Variants in NOVA2 observed in about 807,000 individuals in gnomAD.
NOVA2 encodes the protein NOVA alternative splicing regulator 2, also known as RNA-binding protein Nova-2.
A neutral mutation model predicts 22.5 loss-of-function variants in NOVA2; 9 were observed. The ratio of observed to expected loss-of-function variants is 0.40; its 90% CI spans 0.24 to 0.70. The LOEUF (loss-of-function observed/expected upper bound fraction) is 0.70, where lower values mean the gene tolerates loss of function less well. NOVA2 is among the 30% of genes least tolerant of loss of function. The pLI is 0.38. For synonymous variants in NOVA2, 318 were observed against 335.2 expected, an observed-to-expected ratio of 0.95 and a Z score of 0.56; for missense variants, 383 against 682.8, an observed-to-expected ratio of 0.56 and a Z score of 4.89.
intron 3 of NOVA2, among the ~76,000 whole-genome samples, chr19:45,948,619 AAAAAG>A (rs934146738): frequency 1.3e-5 from 2 of 151,796 alleles, no homozygotes; most frequent in African/African-American, 2.4e-5. Context: ...AAAAAAAAGA[AAAAAG>A]AAAAGAAAAG....
chr19:45,950,139 AC>A, intron 3 of NOVA2, among the ~76,000 whole-genome samples: 1 of 142,966 alleles, frequency 7.0e-6, no homozygotes, highest in East Asian at 2.0e-4. Flanking sequence ...AACCACACCT[AC>A]CCTATATTAT....
chr19:45,939,795 G>T lies in NOVA2; in HGVS notation c.*68C>A, dbSNP rs1000348891. The T allele has an allele frequency of 6.7e-5, 106 of 1,584,218 alleles. No homozygotes were observed. Among genetic ancestry groups the T allele is most frequent in the Middle Eastern group, 1.7e-4 (1 of 5,896 alleles). On this transcript the variant is annotated 3_prime_UTR_variant, in exon 4 of 4. Transcript: ENST00000263257. ...ACACCAAGCTGAGGTCAGGAGTTGGGGGGGAGGAGGAGAGGGAAGAGGAGG... is the reference window on the plus strand; with the variant it reads ...ACACCAAGCTGAGGTCAGGAGTTGGTGGGGAGGAGGAGAGGGAAGAGGAGG...
chr19:45,939,790 GT>G lies in NOVA2; in HGVS notation c.*72del, dbSNP rs1967716055. ...GGACTACACCAAGCTGAGGTCAGGA[GT>G]TGGGGGGGAGGAGGAGAGGGAAGAG... On this transcript the variant is annotated 3_prime_UTR_variant, in exon 4 of 4. Transcript: ENST00000263257. 6.3e-7 allele frequency: 1 copy of G among 1,579,508 alleles called. No homozygotes were observed. Among genetic ancestry groups the G allele is most frequent in the Non-Finnish European group, 8.6e-7 (1 of 1,159,270 alleles).
At chr19:45,973,204 A>C in intron 1 of NOVA2, 63 bp downstream of exon 1, 5 of 829,082 alleles carry the variant, frequency 6.0e-6, no homozygotes, top group Non-Finnish European at 5.1e-6. Context: ...GAGGGGGGGA[A>C]AGGATGGAGA....
Position 45,953,924 on chromosome 19 carries a change from T to G in NOVA2, c.252A>C (p.Leu84=). 6.2e-7 allele frequency: 1 copy of G among 1,614,148 alleles called. No individual in the cohort carries two copies. The highest frequency in any genetic ancestry group is 2.2e-5 in the East Asian group (1 of 44,876). ...TCAAGGCCTCTGCCGTGCCCTGTAC[T>G]AGGCATACCCGCTCTGTGGTTCCTG... The part of the protein sequence containing the change: ...FYPGTTERVC[L]VQGTAEALNA... Residue 84 remains leucine (L), a synonymous_variant, in exon 3 of 4, where the codon CTA becomes CTC. Transcript: ENST00000263257.
intron 2 of NOVA2, among the ~76,000 whole-genome samples, chr19:45,954,519 G>A (rs1967974548): frequency 1.3e-5 from 2 of 152,052 alleles, no homozygotes; most frequent in Admixed American, 6.5e-5. Context: ...CTGGGGGATG[G>A]GGGAGGCAGA....
Position 45,940,643 on chromosome 19 carries a change from G to A in NOVA2, c.699C>T (p.Ser233=). Reference sequence around the variant, plus strand: ...CCGCGGCTGGCAGCACATCCGCGGGGCTGGCGTACGGAGAGCCGGTGGGGT... The same window carrying A: ...CCGCGGCTGGCAGCACATCCGCGGGACTGGCGTACGGAGAGCCGGTGGGGT... ...NSNPTGSPYA[S]PADVLPAAAA... The change falls in exon 4 of 4, where the codon AGC becomes AGT. Residue 233 remains serine (S), a synonymous_variant. Transcript: ENST00000263257. The A allele has an allele frequency of 6.5e-7, 1 of 1,531,070 alleles. No individual in the cohort carries two copies. The allele number at this position is 1,531,070 out of a possible 1,614,324, so 94.8% of individuals were successfully genotyped here.
intron 1 of NOVA2, among the ~76,000 whole-genome samples, chr19:45,971,468 C>A (rs2146430892): frequency 6.6e-6 from 1 of 152,122 alleles, no homozygotes; most frequent in East Asian, 1.9e-4. Context: ...GGAAGAAGGA[C>A]AGGAAACTCC....
chr19:45,940,978 T>C, intron 3 of NOVA2, 33 bp from the exon 4 acceptor site: 1 of 1,535,604 alleles, frequency 6.5e-7, no homozygotes, highest in Non-Finnish European at 8.7e-7. Context: ...GGTCTTTAAT[T>C]TTATTTTTTT....
intron 3 of NOVA2, among the ~76,000 whole-genome samples, chr19:45,948,371 G>A (rs1274617949): frequency 6.6e-6 from 1 of 152,134 alleles, no homozygotes; most frequent in Non-Finnish European, 1.5e-5. Context: ...AGGCCAAGGT[G>A]GGCGGATCAC....
Position 45,940,677 on chromosome 19 carries a change from G to A in NOVA2, c.665C>T (p.Ala222Val). ...CGGAGAGCCGGTGGGGTTGGAGTTG[G>A]CCACGGGGCCTGCCACGTTGGCGTA... ...ISYANVAGPV[A>V]NSNPTGSPYA... Residue 222 changes from alanine to valine, a missense_variant, in exon 4 of 4, where the codon GCC becomes GTC. Around this residue, in one of 2 missense-constraint regions of NOVA2, gnomAD observed 349 missense variants for 578.1 expected, o/e 0.60. Coordinates refer to ENST00000263257, the MANE Select transcript of NOVA2 (RefSeq NM_002516.4). 1 of 1,598,320 alleles carries A rather than the reference G, an allele frequency of 6.3e-7. No individual in the cohort carries two copies. Among genetic ancestry groups the A allele is most frequent in the Non-Finnish European group, 8.5e-7 (1 of 1,173,802 alleles).
Position 45,939,980 on chromosome 19 carries a change from G to A in NOVA2, c.1362C>T (p.Asn454=), listed in dbSNP as rs1393186703. Residue 454 remains asparagine (N), a synonymous_variant, in exon 4 of 4, where the codon AAC becomes AAT. Transcript: ENST00000263257. ...KKGEFLPGTR[N]RRVTITGSPA... ...GGCTGCCCGTGATGGTGACCCGCCG[G>A]TTCCGCGTGCCTGGCAGGAACTCGC... is the stretch of plus-strand genomic sequence containing the variant. The A allele has an allele frequency of 1.2e-6, 2 of 1,614,020 alleles. No homozygotes were observed. Among genetic ancestry groups the A allele is most frequent in the Non-Finnish European group, 1.7e-6 (2 of 1,180,002 alleles).
At chr19:45,955,038 C>T (rs138705898) in intron 2 of NOVA2, among the ~76,000 whole-genome samples, 88 of 152,088 alleles carry the variant, frequency 5.8e-4, no homozygotes, top group Admixed American at 1.8e-3. Context: ...ACTTTGGTGT[C>T]GCTTTGATGA....
At chr19:45,955,002 C>T (rs1401545355) in intron 2 of NOVA2, among the ~76,000 whole-genome samples, 3 of 151,960 alleles carry the variant, frequency 2.0e-5, no homozygotes, top group South Asian at 2.1e-4. Flanking sequence ...TGAAGATGTT[C>T]GTGCGTGCCC....
chr19:45,947,421 T>G (rs547002305), intron 3 of NOVA2, among the ~76,000 whole-genome samples: 18 of 152,098 alleles, frequency 1.2e-4, no homozygotes, highest in African/African-American at 4.3e-4. Flanking sequence ...CTGATGGACA[T>G]TTTCCAGATG....
chr19:45,942,226 A>G (rs1186381415), intron 3 of NOVA2, among the ~76,000 whole-genome samples: 4 of 152,142 alleles, frequency 2.6e-5, no homozygotes, highest in Admixed American at 6.5e-5. Context: ...GAATTTGACT[A>G]TATTTGGAGA....
chr19:45,963,828 G>A (rs943414489), intron 1 of NOVA2, among the ~76,000 whole-genome samples: 1 of 151,902 alleles, frequency 6.6e-6, no homozygotes, highest in Non-Finnish European at 1.5e-5. Flanking sequence ...CCGCGCCCGG[G>A]CCCCCTCAGT....
rs1471472555 is a variant in NOVA2, at chr19:45,936,526, C to A, written c.*3337G>T. The A allele has an allele frequency of 6.6e-6, 1 of 151,716 alleles. No individual in the cohort carries two copies. The highest frequency in any genetic ancestry group is 1.5e-5 in the Non-Finnish European group (1 of 67,964). 9.4% of individuals were successfully genotyped at this position (151,716 alleles called of 1,614,324 possible). On this transcript the variant is annotated 3_prime_UTR_variant, in exon 4 of 4. Transcript: ENST00000263257. ...TCCTCCCCTCTATCCAAGGTCCTCT[C>A]CCCCCAGAGCGGCTCAGTTCCAAGG...
chr19:45,941,011 T>C, intron 3 of NOVA2, 66 bp from the exon 4 acceptor site: 1 of 1,430,174 alleles, frequency 7.0e-7, no homozygotes, highest in Non-Finnish European at 9.3e-7. Context: ...TAAATTAGGC[T>C]GGGCACGGTG....
Sources: gnomAD v4.1 joint callset for allele counts (sites outside exome capture counted in the v4.1 genomes callset) on GRCh38, gnomAD v4.1.1 for gene constraint, gnomAD v4.1.1 regional missense constraint, MANE v1.5 for transcripts, NCBI Gene and HGNC (gene_info 2026-07-23, HGNC 2026-07-21) for gene names.